The following SH3RF2 variants were observed in gnomAD, a reference collection of about 807,000 sequenced individuals.
The protein encoded by SH3RF2 is E3 ubiquitin-protein ligase SH3RF2.
A neutral mutation model predicts 59.0 loss-of-function variants in SH3RF2; 43 were observed. That is an observed-to-expected ratio of 0.73 (90% CI 0.57 to 0.94). The LOEUF is 0.94. Ranked by LOEUF, SH3RF2 falls within the 40% of genes least tolerant of loss-of-function variation. SH3RF2 has a pLI of 0.00. For synonymous variants in SH3RF2, 391 were observed against 391.5 expected (o/e 1.00, Z 0.01); for missense variants, 930 against 940.1 (o/e 0.99, Z 0.14).
At chr5:146,045,317 T>C (rs908809888) in intron 5 of SH3RF2, among the ~76,000 whole-genome samples, 1 of 152,252 alleles carries the variant, frequency 6.6e-6, no homozygotes, top group African/African-American at 2.4e-5. Flanking sequence ...TTCTTCTTAA[T>C]GCTTTATTAT....
At chr5:145,957,339 T>A (rs1304966294) in intron 2 of SH3RF2, among the ~76,000 whole-genome samples, 1 of 152,046 alleles carries the variant, frequency 6.6e-6, no homozygotes, top group Non-Finnish European at 1.5e-5. Context: ...GAAGACCAAT[T>A]CTGGTCTTCT....
chr5:145,938,191 TCCGCAGG>T lies in SH3RF2; in HGVS notation c.266_272del (p.Arg89LeufsTer4). The stretch of plus-strand genomic sequence containing the variant: ...CAGAGCTCCGGGAGAGGGGGCTCCT[TCCGCAGG>T]CCTGGCACGATGACCTTGCAGGATG... On this transcript the variant is annotated frameshift_variant, in exon 2 of 10. Transcript: ENST00000359120. LOFTEE classifies it high-confidence loss of function. 1 of 1,613,940 alleles carries T rather than the reference TCCGCAGG, an allele frequency of 6.2e-7. No individual in the cohort carries two copies.
intron 2 of SH3RF2, among the ~76,000 whole-genome samples, chr5:145,966,710 AG>A (rs1313179366): frequency 6.6e-6 from 1 of 152,190 alleles, no homozygotes; most frequent in African/African-American, 2.4e-5. Context: ...AAGAATACTC[AG>A]GGAAAAAATA....
chr5:146,048,084 A>G (rs1022775703), intron 6 of SH3RF2, among the ~76,000 whole-genome samples: 3 of 152,200 alleles, frequency 2.0e-5, no homozygotes, highest in Admixed American at 1.3e-4. Context: ...AAGCTGAGGC[A>G]GGAGGATTGC....
In SH3RF2 at chr5:146,062,499, GA is replaced by G; in HGVS notation, c.1991del (p.Lys664SerfsTer22). The G allele has an allele frequency of 6.2e-7, 1 of 1,614,110 alleles. No individual in the cohort carries two copies. Among genetic ancestry groups the G allele is most frequent in the South Asian group, 1.1e-5 (1 of 91,062 alleles). ...CATTACACCTCCCATCCCACCTCCG[GA>G]AAGCCTGAACAGCCAGCCACCCTCA... ...TKHYTSHPTS[G>X]KPEQPATLKA... On this transcript the variant is annotated frameshift_variant, in exon 10 of 10. Transcript: ENST00000359120. LOFTEE classifies it high-confidence loss of function.
In SH3RF2 at chr5:146,056,047, C is replaced by T. The variant is rs1161694737; in HGVS notation, c.1389C>T (p.Ser463=). The change falls in exon 8 of 10, where the codon TCC becomes TCT. Residue 463 remains serine (S), a synonymous_variant. Coordinates refer to ENST00000359120, the MANE Select transcript of SH3RF2 (RefSeq NM_152550.4). ...ACACCACATGGACGTTATCCACCTC[C>T]TCTGTGTCCTCCCAAGGCAGCATTT... ...GLYTTWTLST[S]SVSSQGSISE... is the part of the protein sequence containing the mutation. 2.5e-6 allele frequency: 4 copies of T among 1,614,248 alleles called. No individual in the cohort carries two copies. Among genetic ancestry groups the T allele is most frequent in the South Asian group, 2.2e-5 (2 of 91,090 alleles).
intron 2 of SH3RF2, among the ~76,000 whole-genome samples, chr5:145,987,504 A>AT (rs1759760818): frequency 6.6e-6 from 1 of 152,206 alleles, no homozygotes; most frequent in East Asian, 1.9e-4. Flanking sequence ...AGAATTTCAG[A>AT]TATAAATAAG....
intron 8 of SH3RF2, among the ~76,000 whole-genome samples, chr5:146,056,481 C>T (rs1390952663): frequency 6.6e-6 from 1 of 152,094 alleles, no homozygotes; most frequent in Non-Finnish European, 1.5e-5. Context: ...ACATGGCCAA[C>T]GTGGACACTG....
At position 146,054,359 on chromosome 5, in the gene SH3RF2, T is replaced by TTGC. The variant is rs551128313; in HGVS notation, c.1323-1611_1323-1609dup. Among the ~76,000 whole-genome samples, 1,448 of 152,312 alleles carry TTGC rather than the reference T, an allele frequency of 9.5e-3. 20 individuals are homozygous for TTGC. The highest frequency in any genetic ancestry group is 0.033 in the African/African-American group (1,356 of 41,550). On this transcript the variant is annotated intron_variant, in intron 7 of 9. Coordinates refer to ENST00000359120, the MANE Select transcript of SH3RF2 (RefSeq NM_152550.4). ...GGGCCTAATTAGCTGTATGCTGCCC[T>TTGC]TGCTGCTGCTGCTACTGCTGCGAAA...
At chr5:145,951,909 A>G (rs1427979074) in intron 2 of SH3RF2, among the ~76,000 whole-genome samples, 1 of 152,188 alleles carries the variant, frequency 6.6e-6, no homozygotes, top group Non-Finnish European at 1.5e-5. Context: ...CTCTGAAGTT[A>G]TAATAGCTAG....
chr5:145,952,798 C>A (rs1034336559), intron 2 of SH3RF2, among the ~76,000 whole-genome samples: 1 of 152,016 alleles, frequency 6.6e-6, no homozygotes, highest in Non-Finnish European at 1.5e-5. Flanking sequence ...GAAGAGAGGG[C>A]GGCCAAGAAA....
At chr5:145,982,499 G>A (rs749322668) in intron 2 of SH3RF2, among the ~76,000 whole-genome samples, 3 of 152,154 alleles carry the variant, frequency 2.0e-5, no homozygotes, top group African/African-American at 7.2e-5. Flanking sequence ...AGCCTCCCCT[G>A]GTTCTTGAAA....
intron 7 of SH3RF2, among the ~76,000 whole-genome samples, chr5:146,054,591 C>T (rs1266439576): frequency 1.3e-5 from 2 of 152,194 alleles, no homozygotes; most frequent in Non-Finnish European, 2.9e-5. Flanking sequence ...GACAACACCA[C>T]CATGGGGACC....
intron 9 of SH3RF2, among the ~76,000 whole-genome samples, chr5:146,061,025 G>A (rs1305077271): frequency 2.6e-5 from 4 of 152,036 alleles, no homozygotes; most frequent in East Asian, 1.9e-4. Flanking sequence ...CATCACCACC[G>A]CCATCAGCAT....
chr5:145,969,400 G>T (rs1043772718), intron 2 of SH3RF2, among the ~76,000 whole-genome samples: 4 of 152,150 alleles, frequency 2.6e-5, no homozygotes, highest in Admixed American at 2.6e-4. Context: ...AGGTGAGGAG[G>T]AAAGAAGACA....
intron 2 of SH3RF2, among the ~76,000 whole-genome samples, chr5:145,987,163 G>A (rs181038791): frequency 2.0e-5 from 3 of 152,260 alleles, no homozygotes; most frequent in African/African-American, 7.2e-5. Flanking sequence ...TATAGTCCAG[G>A]AATGAGAAAA....
intron 4 of SH3RF2, among the ~76,000 whole-genome samples, chr5:146,006,589 G>A (rs1760655887): frequency 6.6e-6 from 1 of 152,228 alleles, no homozygotes; most frequent in South Asian, 2.1e-4. Context: ...GAGGAAATGT[G>A]GTGTAGCCAG....
intron 2 of SH3RF2, among the ~76,000 whole-genome samples, chr5:145,987,528 G>A (rs745550183): frequency 6.6e-6 from 1 of 152,174 alleles, no homozygotes; most frequent in Non-Finnish European, 1.5e-5. Context: ...CTAATAAAGA[G>A]AATCTTCCCT....
chr5:146,057,966 C>CTCTCTCTCTCTCTCTCTCTA (rs796279528), intron 8 of SH3RF2, among the ~76,000 whole-genome samples: 2 of 72,926 alleles, frequency 2.7e-5, no homozygotes, highest in African/African-American at 7.8e-5. Context: ...CTCTCTCTCT[C>CTCTCTCTCTCTCTCTCTCTA]TCTATCTATC....
Sources: gnomAD v4.1 joint callset for allele counts (sites outside exome capture counted in the v4.1 genomes callset) on GRCh38, gnomAD v4.1.1 for gene constraint, MANE v1.5 for transcripts, NCBI Gene and HGNC (gene_info 2026-07-23, HGNC 2026-07-21) for gene names.